PRDM1: variants seen among roughly 807,000 people sequenced by gnomAD.
PRDM1 encodes PR/SET domain 1.
PRDM1 carries 13 observed loss-of-function variants against 62.8 expected under a neutral mutation model. The observed-to-expected ratio is 0.21, with a 90% CI of 0.13 to 0.33. The LOEUF is 0.33. Ranked by LOEUF, PRDM1 falls within the 10% of genes least tolerant of loss-of-function variation. PRDM1 has a pLI of 1.00. For missense variants in PRDM1, 895 were observed against 1,058.8 expected (o/e 0.85, Z 2.15); for synonymous variants, 396 against 417.6 (o/e 0.95, Z 0.63).
chr6:106,070,209 G>A (rs1412983881), intron 1 of PRDM1, among the ~76,000 whole-genome samples: 1 of 152,142 alleles, frequency 6.6e-6, no homozygotes, highest in East Asian at 1.9e-4. Context: ...CTAATTAGAG[G>A]AATAGAATTT....
chr6:106,090,528 T>C (rs757117022), intron 2 of PRDM1, among the ~76,000 whole-genome samples: 6 of 152,228 alleles, frequency 3.9e-5, no homozygotes, highest in Non-Finnish European at 8.8e-5. Flanking sequence ...TTCTCTCCTT[T>C]GTTTTTGAAC....
At chr6:106,063,578 TA>T (rs900687338) in intron 1 of PRDM1, among the ~76,000 whole-genome samples, 3 of 152,014 alleles carry the variant, frequency 2.0e-5, no homozygotes, top group East Asian at 1.9e-4. Context: ...AAATAATTTC[TA>T]AAAAAAATAG....
chr6:106,085,992 G>A (rs1172858519), upstream of PRDM1, among the ~76,000 whole-genome samples: 2 of 152,124 alleles, frequency 1.3e-5, no homozygotes, highest in Non-Finnish European at 2.9e-5. Context: ...GGGGATTTGA[G>A]CTGAGAAATC....
chr6:106,089,423 C>A (rs1194577088), intron 2 of PRDM1, among the ~76,000 whole-genome samples: 1 of 152,138 alleles, frequency 6.6e-6, no homozygotes, highest in Non-Finnish European at 1.5e-5. Context: ...TTCCTTACAG[C>A]CGTGTCAAAT....
At position 106,099,407 on chromosome 6, in the gene PRDM1, G is replaced by C. The variant is rs2114638486; in HGVS notation, c.519G>C (p.Leu173=). 1.9e-6 allele frequency: 3 copies of C among 1,614,198 alleles called. No individual in the cohort carries two copies. The highest frequency in any genetic ancestry group is 2.5e-6 in the Non-Finnish European group (3 of 1,180,042). ...CACACTCTCCCCGGGAGCAAAACCTGGCTGCGTGTCAGAACGGGATGAACA... is the reference window on the plus strand; with the variant it reads ...CACACTCTCCCCGGGAGCAAAACCTCGCTGCGTGTCAGAACGGGATGAACA... ...NPAHSPREQN[L]AACQNGMNIY... Residue 173 remains leucine (L), a synonymous_variant, in exon 4 of 7, where the codon CTG becomes CTC. Transcript: ENST00000369096.
chr6:106,033,401 C>T (rs1033474505), intron 1 of PRDM1, among the ~76,000 whole-genome samples: 3 of 151,744 alleles, frequency 2.0e-5, no homozygotes, highest in Admixed American at 2.0e-4. Context: ...GATCCTCCTG[C>T]CTTGACATCC....
intron 1 of PRDM1, among the ~76,000 whole-genome samples, chr6:106,050,766 T>C (rs1209100205): frequency 2.0e-5 from 3 of 152,258 alleles, no homozygotes; most frequent in Non-Finnish European, 4.4e-5. Flanking sequence ...TGGCCATTCA[T>C]ATTCTTTCTC....
At chr6:106,080,126 G>T (rs1773671426) in intron 1 of PRDM1, among the ~76,000 whole-genome samples, 2 of 152,298 alleles carry the variant, frequency 1.3e-5, no homozygotes, top group South Asian at 4.1e-4. Context: ...GAGAATGAAG[G>T]CTTTACTCTG....
chr6:106,079,013 T>G (rs1398775369), intron 1 of PRDM1, among the ~76,000 whole-genome samples: 1 of 151,858 alleles, frequency 6.6e-6, no homozygotes, highest in African/African-American at 2.4e-5. Flanking sequence ...CAGGCTGGAG[T>G]GCAGTGGCGC....
In PRDM1 at chr6:105,998,913, ATATATATATATATATATATATTT is replaced by A. The variant is rs1454335492; in HGVS notation, c.-67+5276_-67+5298del. On this transcript the variant is annotated intron_variant, in intron 1 of 6. Coordinates refer to the PRDM1 transcript ENST00000652320. ...TACATATATATATATATATATATATATATATATATATATATATATATTTTTTTTTTTTTTTTTCTTTTGAGACA... is the reference window on the plus strand; with the variant it reads ...TACATATATATATATATATATATATATTTTTTTTTTTTTTCTTTTGAGACA... Among the ~76,000 whole-genome samples, 24 of 13,852 alleles carry A rather than the reference ATATATATATATATATATATATTT, an allele frequency of 1.7e-3. 1 individual carries two copies. Among genetic ancestry groups the A allele is most frequent in the African/African-American group, 3.1e-3 (15 of 4,866 alleles). 9.1% of individuals were successfully genotyped at this position (13,852 alleles called of 152,430 possible). A position where few individuals can be genotyped will look rare whatever the true frequency, so the allele number is the denominator to read the frequency against.
At chr6:106,102,873 T>G (rs1446530093) in intron 4 of PRDM1, among the ~76,000 whole-genome samples, 2 of 152,190 alleles carry the variant, frequency 1.3e-5, no homozygotes, top group Non-Finnish European at 2.9e-5. Context: ...TTTGACCCTA[T>G]ATAGATGTTT....
intron 1 of PRDM1, among the ~76,000 whole-genome samples, chr6:105,998,294 G>A (rs989018971): frequency 2.6e-5 from 4 of 152,122 alleles, no homozygotes; most frequent in African/African-American, 9.7e-5. Flanking sequence ...GCACGTGTCT[G>A]TAGTCCCAGC....
intron 1 of PRDM1, among the ~76,000 whole-genome samples, chr6:106,018,207 T>C (rs969240514): frequency 4.6e-5 from 7 of 152,220 alleles, no homozygotes; most frequent in African/African-American, 1.4e-4. Context: ...ATATTTGATA[T>C]GAAAAAGTAA....
At chr6:106,011,829 T>G (rs987414797) in intron 1 of PRDM1, among the ~76,000 whole-genome samples, 13 of 151,706 alleles carry the variant, frequency 8.6e-5, no homozygotes, top group African/African-American at 3.2e-4. Flanking sequence ...CCCCCACACA[T>G]TCACACACAT....
chr6:106,103,950 C>A (rs979967479), intron 4 of PRDM1, among the ~76,000 whole-genome samples: 1 of 152,126 alleles, frequency 6.6e-6, no homozygotes, highest in Admixed American at 6.5e-5. Flanking sequence ...GTCTGCACAT[C>A]GCGAGGAAGG....
chr6:106,054,334 T>C (rs1773229978), intron 1 of PRDM1, among the ~76,000 whole-genome samples: 1 of 151,348 alleles, frequency 6.6e-6, no homozygotes, highest in Admixed American at 6.6e-5. Flanking sequence ...TAAAAATCTT[T>C]TGTGTGTATA....
At position 106,093,375 on chromosome 6, in the gene PRDM1, T is replaced by A. The variant is rs183309444; in HGVS notation, c.292-2240T>A. ...TCAAGCTCTGACTCCCAAGACACCA[T>A]CTGTAAGAGACTATAATTTAAAACA... On this transcript the variant is annotated intron_variant, in intron 2 of 6. Coordinates refer to ENST00000369096, the MANE Select transcript of PRDM1 (RefSeq NM_001198.4). Among the ~76,000 whole-genome samples, 9 of 152,306 alleles carry A rather than the reference T, an allele frequency of 5.9e-5. No homozygotes were observed. The East Asian group carries it at 1.5e-3, about 26-fold the overall frequency.
At chr6:106,060,071 G>A (rs1000925572) in intron 1 of PRDM1, among the ~76,000 whole-genome samples, 2 of 152,294 alleles carry the variant, frequency 1.3e-5, no homozygotes, top group African/African-American at 4.8e-5. Flanking sequence ...CCAGGCTGGA[G>A]ATGAAAATCA....
intron 1 of PRDM1, among the ~76,000 whole-genome samples, chr6:106,059,845 C>T (rs757106716): frequency 1.9e-4 from 29 of 151,948 alleles, no homozygotes; most frequent in Non-Finnish European, 2.8e-4. Context: ...GTGGTGGGGA[C>T]GGAGATAGGG....
Sources: gnomAD v4.1 joint callset for allele counts (sites outside exome capture counted in the v4.1 genomes callset) on GRCh38, gnomAD v4.1.1 for gene constraint, MANE v1.5 for transcripts, NCBI Gene and HGNC (gene_info 2026-07-23, HGNC 2026-07-21) for gene names.